The following MAGI1 variants were observed in gnomAD, a reference collection of about 807,000 sequenced individuals.
The protein encoded by MAGI1 is membrane associated guanylate kinase, WW and PDZ domain containing 1, also known as membrane-associated guanylate kinase, WW and PDZ domain-containing protein 1.
Under a neutral mutation model 139.9 loss-of-function variants are expected in MAGI1, and 58 were observed. The observed-to-expected ratio is 0.41, with a 90% CI of 0.34 to 0.52. The LOEUF is 0.52. Ranked by LOEUF, MAGI1 falls within the 20% of genes least tolerant of loss-of-function variation. MAGI1 has a pLI of 0.12. For synonymous variants in MAGI1, 812 were observed against 737.9 expected (o/e 1.10, Z -1.63); for missense variants, 1,874 against 1,901.6 (o/e 0.99, Z 0.27).
intron 1 of MAGI1, among the ~76,000 whole-genome samples, chr3:65,848,211 G>A (rs928580581): frequency 1.3e-5 from 2 of 152,138 alleles, no homozygotes; most frequent in Non-Finnish European, 2.9e-5. Context: ...GTGAACATGG[G>A]GAACTGCATG....
Position 66,036,440 on chromosome 3 carries a change from C to CA in MAGI1, c.313+1555dup, listed in dbSNP as rs547018811. On this transcript the variant is annotated intron_variant, in intron 1 of 22. Transcript: ENST00000402939. ...CTTGTATGGAAATGAGGACCTAACTCAGAGTTCAGAGTAAGTAAAAAAGCC... is the reference window on the plus strand; with the variant it reads ...CTTGTATGGAAATGAGGACCTAACTCAAGAGTTCAGAGTAAGTAAAAAAGCC... Among the ~76,000 whole-genome samples, 74 of 152,162 alleles carry CA rather than the reference C, an allele frequency of 4.9e-4. No homozygotes were observed. The East Asian group carries it at 7.2e-3, about 15-fold the overall frequency.
intron 2 of MAGI1, among the ~76,000 whole-genome samples, chr3:65,592,852 AT>A (rs2082029835): frequency 1.3e-5 from 2 of 152,184 alleles, no homozygotes; most frequent in African/African-American, 4.8e-5. Context: ...GAAAGATCTC[AT>A]TTTAACTAAT....
intron 1 of MAGI1, among the ~76,000 whole-genome samples, chr3:65,936,918 TTGGTGGTGGTGGTGGTGATGGTGG>T (rs1286894799): frequency 6.7e-6 from 1 of 149,230 alleles, no homozygotes; most frequent in Non-Finnish European, 1.5e-5. Flanking sequence ...GTTGTTGTTG[TTGGTGGTGGTGGTGGTGATGGTGG>T]TGGTGATGGT....
At chr3:65,644,445 T>C (rs962582196) in intron 1 of MAGI1, among the ~76,000 whole-genome samples, 2 of 136,188 alleles carry the variant, frequency 1.5e-5, no homozygotes, top group African/African-American at 2.7e-5. Flanking sequence ...CCAGAAGACA[T>C]AGCAGGGCAG....
chr3:65,665,602 G>A (rs1056021949), intron 1 of MAGI1, among the ~76,000 whole-genome samples: 2 of 152,170 alleles, frequency 1.3e-5, no homozygotes, highest in African/African-American at 4.8e-5. Context: ...GTGACCAGAA[G>A]TTCACAGGAA....
chr3:65,588,673 G>A (rs1219997559), intron 2 of MAGI1, among the ~76,000 whole-genome samples: 1 of 152,116 alleles, frequency 6.6e-6, no homozygotes, highest in African/African-American at 2.4e-5. Context: ...TAGGACTTAA[G>A]GAAGTACAAA....
chr3:65,654,871 T>C (rs1405038730), intron 1 of MAGI1, among the ~76,000 whole-genome samples: 11 of 152,210 alleles, frequency 7.2e-5, no homozygotes, highest in African/African-American at 2.7e-4. Context: ...ACAAGCTACA[T>C]TGACTTTATT....
chr3:65,669,680 G>C (rs2086738525), intron 1 of MAGI1, among the ~76,000 whole-genome samples: 1 of 152,146 alleles, frequency 6.6e-6, no homozygotes, highest in South Asian at 2.1e-4. Flanking sequence ...TCAAAGAAAT[G>C]CTTCAGGATC....
At chr3:65,635,211 T>G (rs554235545) in intron 1 of MAGI1, among the ~76,000 whole-genome samples, 1 of 152,192 alleles carries the variant, frequency 6.6e-6, no homozygotes, top group South Asian at 2.1e-4. Flanking sequence ...ACTACAGGTG[T>G]GTGCCACCAC....
intron 2 of MAGI1, among the ~76,000 whole-genome samples, chr3:65,498,167 T>C (rs576269174): frequency 6.6e-6 from 1 of 152,086 alleles, no homozygotes; most frequent in African/African-American, 2.4e-5. Flanking sequence ...GCCATCTGGG[T>C]TGGGTACAAT....
chr3:65,429,446 A>C, intron 12 of MAGI1, 74 bp downstream of exon 12: 1 of 1,438,308 alleles, frequency 7.0e-7, no homozygotes, highest in Non-Finnish European at 9.3e-7. Context: ...CCCAGTGGTC[A>C]TCTGAAGATG....
At chr3:65,400,750 A>ATTTTTTTTTTTTTTTT (rs767598706) in intron 13 of MAGI1, among the ~76,000 whole-genome samples, 2 of 60,600 alleles carry the variant, frequency 3.3e-5, no homozygotes, top group Non-Finnish European at 6.2e-5. Flanking sequence ...CAAAACATTG[A>ATTTTTTTTTTTTTTTT]TTTTTTTTTT....
intron 13 of MAGI1, among the ~76,000 whole-genome samples, chr3:65,391,800 T>A (rs1052976602): frequency 6.6e-6 from 1 of 152,190 alleles, no homozygotes; most frequent in Admixed American, 6.5e-5. Context: ...ACTCCATGTC[T>A]TGTACCTTTT....
chr3:65,858,972 G>C (rs2059455223), intron 1 of MAGI1, among the ~76,000 whole-genome samples: 1 of 152,166 alleles, frequency 6.6e-6, no homozygotes, highest in Non-Finnish European at 1.5e-5. Context: ...GAAAGGGAGG[G>C]ATGAGAAGAA....
intron 1 of MAGI1, among the ~76,000 whole-genome samples, chr3:65,697,891 A>G (rs2089328407): frequency 1.5e-5 from 1 of 68,752 alleles, no homozygotes; most frequent in Non-Finnish European, 2.7e-5. Context: ...TAGGCAGGAG[A>G]AGGAAATAAA....
intron 2 of MAGI1, among the ~76,000 whole-genome samples, chr3:65,522,908 T>G (rs1289398608): frequency 6.6e-6 from 1 of 152,190 alleles, no homozygotes; most frequent in Admixed American, 6.5e-5. Context: ...TCCCATATGT[T>G]TTTTTGGCTT....
At chr3:65,903,010 G>A (rs1004880137) in intron 1 of MAGI1, among the ~76,000 whole-genome samples, 9 of 152,056 alleles carry the variant, frequency 5.9e-5, no homozygotes, top group African/African-American at 2.2e-4. Flanking sequence ...GAGTGGTGGG[G>A]AGAGGTATAA....
intron 2 of MAGI1, among the ~76,000 whole-genome samples, chr3:65,537,888 C>T (rs543557852): frequency 1.9e-4 from 29 of 152,030 alleles, no homozygotes; most frequent in Middle Eastern, 3.4e-3. Context: ...GAGGCCAAGG[C>T]GGTCGGATCA....
intron 1 of MAGI1, among the ~76,000 whole-genome samples, chr3:65,796,818 C>T (rs1200703616): frequency 6.6e-6 from 1 of 152,180 alleles, no homozygotes; most frequent in Non-Finnish European, 1.5e-5. Flanking sequence ...GGGAAAGCGG[C>T]CTTGTACTAT....
Sources: gnomAD v4.1 joint callset for allele counts (sites outside exome capture counted in the v4.1 genomes callset) on GRCh38, gnomAD v4.1.1 for gene constraint, MANE v1.5 for transcripts, NCBI Gene and HGNC (gene_info 2026-07-23, HGNC 2026-07-21) for gene names.